CLYBL: variants seen among roughly 807,000 people sequenced by gnomAD.
CLYBL encodes citramalyl-CoA lyase, mitochondrial.
CLYBL carries 31 observed loss-of-function variants against 38.9 expected under a neutral mutation model. That is an observed-to-expected ratio of 0.80 (90% CI 0.60 to 1.08). The LOEUF (loss-of-function observed/expected upper bound fraction) is 1.08. Among genes scored for constraint, CLYBL ranks in the 50% least tolerant of loss-of-function variants. The probability of loss-of-function intolerance (pLI) is 0.00; values close to 1 mark genes in which losing one functional copy is unlikely to be tolerated. For missense variants in CLYBL, 434 were observed against 411.6 expected, an observed-to-expected ratio of 1.05 and a Z score of -0.47; for synonymous variants, 171 against 158.6, an observed-to-expected ratio of 1.08 and a Z score of -0.59.
At chr13:99,683,227 G>GC (rs541164896) in intron 1 of CLYBL, among the ~76,000 whole-genome samples, 22 of 148,316 alleles carry the variant, frequency 1.5e-4, no homozygotes, top group South Asian at 9.3e-4. Flanking sequence ...GCTTGCAGGT[G>GC]CCCCCCCCTA....
intron 2 of CLYBL, among the ~76,000 whole-genome samples, chr13:99,777,080 T>C (rs1008042546): frequency 1.3e-5 from 2 of 152,114 alleles, no homozygotes; most frequent in African/African-American, 2.4e-5. Flanking sequence ...GGTTTTACCA[T>C]GTTGGCCAGA....
chr13:99,655,268 G>A (rs1310684732), intron 1 of CLYBL, among the ~76,000 whole-genome samples: 2 of 152,024 alleles, frequency 1.3e-5, no homozygotes, highest in Non-Finnish European at 2.9e-5. Context: ...TAGAGACGGG[G>A]TTTTACCATG....
chr13:99,891,477 C>G (rs761949589), intron 8 of CLYBL, 40 bp downstream of exon 8: 16 of 1,153,042 alleles, frequency 1.4e-5, no homozygotes, highest in Non-Finnish European at 2.1e-5. Flanking sequence ...AAAGACAAAC[C>G]ACAATACTCA....
chr13:99,780,981 T>C (rs2049635484), intron 2 of CLYBL, among the ~76,000 whole-genome samples: 1 of 151,912 alleles, frequency 6.6e-6, no homozygotes, highest in Non-Finnish European at 1.5e-5. Context: ...CCCAAAGTGC[T>C]GGGATTACAG....
intron 1 of CLYBL, among the ~76,000 whole-genome samples, chr13:99,766,468 AT>A (rs2138760261): frequency 6.6e-6 from 1 of 152,234 alleles, no homozygotes; most frequent in African/African-American, 2.4e-5. Context: ...TAGAACTTCT[AT>A]TCTGAATTCT....
intron 1 of CLYBL, among the ~76,000 whole-genome samples, chr13:99,608,593 A>AGCGTCTGTGG (rs2046570012): frequency 1.3e-5 from 2 of 152,048 alleles, no homozygotes; most frequent in Non-Finnish European, 2.9e-5. Context: ...AGCGTCTGTG[A>AGCGTCTGTGG]CCTGTTCAGT....
At chr13:99,789,798 T>C (rs1379365497) in intron 2 of CLYBL, among the ~76,000 whole-genome samples, 1 of 152,164 alleles carries the variant, frequency 6.6e-6, no homozygotes, top group African/African-American at 2.4e-5. Flanking sequence ...GACTGTGGGG[T>C]GTTAAAGTCT....
chr13:99,741,079 C>T, intron 1 of CLYBL, among the ~76,000 whole-genome samples: 1 of 152,184 alleles, frequency 6.6e-6, no homozygotes, highest in Non-Finnish European at 1.5e-5. Flanking sequence ...CTCCTTCTTG[C>T]TTAGTTCAGT....
intron 1 of CLYBL, among the ~76,000 whole-genome samples, chr13:99,757,716 C>G (rs1414746721): frequency 2.0e-5 from 3 of 152,216 alleles, no homozygotes; most frequent in Admixed American, 2.0e-4. Flanking sequence ...GCCTCGGCCT[C>G]CCAAAGTGTT....
intron 1 of CLYBL, among the ~76,000 whole-genome samples, chr13:99,723,473 C>G (rs1220720308): frequency 6.6e-6 from 1 of 152,190 alleles, no homozygotes; most frequent in Admixed American, 6.5e-5. Flanking sequence ...GGTTTGAGAG[C>G]AACGACTCTT....
intron 1 of CLYBL, among the ~76,000 whole-genome samples, chr13:99,694,826 C>T (rs1438263790): frequency 6.6e-6 from 1 of 152,146 alleles, no homozygotes; most frequent in Non-Finnish European, 1.5e-5. Flanking sequence ...GACCTTAGAC[C>T]TAAATGATAA....
chr13:99,809,910 C>T (rs1398651180), intron 2 of CLYBL, among the ~76,000 whole-genome samples: 1 of 152,156 alleles, frequency 6.6e-6, no homozygotes, highest in African/African-American at 2.4e-5. Flanking sequence ...CAGACTTGTC[C>T]CCAGGGAATG....
intron 8 of CLYBL, among the ~76,000 whole-genome samples, chr13:99,903,099 G>A (rs7997714): frequency 0.14 from 22,020 of 152,178 alleles, 1,810 homozygotes; most frequent in African/African-American, 0.21. Context: ...TAGGCATGCA[G>A]TCATTTGAGT....
intron 1 of CLYBL, among the ~76,000 whole-genome samples, chr13:99,653,003 A>G (rs957379000): frequency 6.6e-6 from 1 of 152,224 alleles, no homozygotes; most frequent in South Asian, 2.1e-4. Context: ...CATGACGACA[A>G]GTGGGCTTTG....
At chr13:99,684,554 A>T (rs2047790243) in intron 1 of CLYBL, among the ~76,000 whole-genome samples, 1 of 152,204 alleles carries the variant, frequency 6.6e-6, no homozygotes, top group Non-Finnish European at 1.5e-5. Flanking sequence ...CTACTAAGAC[A>T]GGGTTCTTAG....
intron 9 of CLYBL, among the ~76,000 whole-genome samples, chr13:99,906,060 C>T (rs35358394): frequency 0.078 from 11,815 of 152,274 alleles, 527 homozygotes; most frequent in South Asian, 0.17. Flanking sequence ...AGGCATGAGC[C>T]ATGACACTCT....
intron 1 of CLYBL, among the ~76,000 whole-genome samples, chr13:99,761,701 A>G (rs1259343496): frequency 6.6e-6 from 1 of 152,232 alleles, no homozygotes; most frequent in Non-Finnish European, 1.5e-5. Flanking sequence ...GAATTGCTGG[A>G]TCACAGCACA....
intron 1 of CLYBL, among the ~76,000 whole-genome samples, chr13:99,681,006 T>C (rs2047726683): frequency 6.6e-6 from 1 of 152,194 alleles, no homozygotes; most frequent in Admixed American, 6.5e-5. Context: ...AATTTTTCCT[T>C]TGTGATTATT....
intron 2 of CLYBL, among the ~76,000 whole-genome samples, chr13:99,826,436 C>G (rs1211176889): frequency 6.6e-6 from 1 of 152,204 alleles, no homozygotes; most frequent in Non-Finnish European, 1.5e-5. Context: ...ATCTATGTAT[C>G]TGTGTATCTC....
Sources: allele counts gnomAD v4.1 joint callset (sites outside exome capture counted in the v4.1 genomes callset), GRCh38; gene constraint gnomAD v4.1.1; transcripts MANE v1.5; gene names NCBI Gene and HGNC (gene_info 2026-07-23, HGNC 2026-07-21).